The following SEMA5A variants were observed in gnomAD, a reference collection of about 807,000 sequenced individuals.
The protein encoded by SEMA5A is semaphorin 5A.
A neutral mutation model predicts 135.5 loss-of-function variants in SEMA5A; 55 were observed. The ratio of observed to expected loss-of-function variants is 0.41; its 90% CI spans 0.33 to 0.51. The LOEUF (loss-of-function observed/expected upper bound fraction) is 0.51, where lower values mean the gene tolerates loss of function less well. SEMA5A is among the 20% of genes least tolerant of loss of function. The probability of loss-of-function intolerance (pLI) is 0.37; values close to 1 mark genes in which losing one functional copy is unlikely to be tolerated. For synonymous variants in SEMA5A, 580 were observed against 546.5 expected (o/e 1.06, Z -0.85); for missense variants, 1,290 against 1,419.9 (o/e 0.91, Z 1.47).
rs766379592 is a variant in SEMA5A, at chr5:9,202,107, C to T, written c.780G>A (p.Gly260=). The T allele has an allele frequency of 6.2e-7, 1 of 1,614,154 alleles. No individual in the cohort carries two copies. The highest frequency in any genetic ancestry group is 1.1e-5 in the South Asian group (1 of 91,080). Residue 260 remains glycine, a synonymous_variant, in exon 9 of 23, where the codon GGG becomes GGA. Transcript: ENST00000382496. ...TCCAGGTGTCTTCCAGCAGGAAGCGCCCACCAATATCGTTCTTGCACACCC... is the reference window on the plus strand; with the variant it reads ...TCCAGGTGTCTTCCAGCAGGAAGCGTCCACCAATATCGTTCTTGCACACCC... ...AARVCKNDIG[G]RFLLEDTWTT...
chr5:9,117,400 C>A (rs1740576464), intron 15 of SEMA5A, among the ~76,000 whole-genome samples: 1 of 152,104 alleles, frequency 6.6e-6, no homozygotes. Context: ...CTGAAATGTT[C>A]AGGACCATTA....
chr5:9,148,705 C>T (rs987708327), intron 12 of SEMA5A, among the ~76,000 whole-genome samples: 2 of 151,984 alleles, frequency 1.3e-5, no homozygotes, highest in Non-Finnish European at 1.5e-5. Flanking sequence ...TGCACTGTCA[C>T]CTGGCCATTT....
At chr5:9,219,879 C>CATCG (rs1281784548) in intron 8 of SEMA5A, among the ~76,000 whole-genome samples, 4 of 152,142 alleles carry the variant, frequency 2.6e-5, no homozygotes, top group Non-Finnish European at 5.9e-5. Context: ...TGGAAGTGAA[C>CATCG]ATCGCATCTG....
At chr5:9,078,415 C>T (rs1408910177) in intron 16 of SEMA5A, among the ~76,000 whole-genome samples, 1 of 151,868 alleles carries the variant, frequency 6.6e-6, no homozygotes, top group Non-Finnish European at 1.5e-5. Context: ...GAATACATAA[C>T]AAAAGTCTAA....
At chr5:9,366,033 ACTAT>A (rs1028920782) in intron 3 of SEMA5A, among the ~76,000 whole-genome samples, 2 of 149,508 alleles carry the variant, frequency 1.3e-5, no homozygotes, top group African/African-American at 5.1e-5. Flanking sequence ...AATTAGACTA[ACTAT>A]CTATTACCTG....
chr5:9,543,086 C>T (rs757880804), intron 1 of SEMA5A, among the ~76,000 whole-genome samples: 8 of 152,228 alleles, frequency 5.3e-5, no homozygotes, highest in Non-Finnish European at 2.9e-5. Context: ...ATAGGCAGCT[C>T]TCTCTAACAT....
chr5:9,135,995 C>A (rs141666978), intron 13 of SEMA5A, among the ~76,000 whole-genome samples: 97 of 152,252 alleles, frequency 6.4e-4, no homozygotes, highest in African/African-American at 2.2e-3. Flanking sequence ...TCTATGGGAA[C>A]GCACACTAGG....
intron 4 of SEMA5A, among the ~76,000 whole-genome samples, chr5:9,333,102 C>G (rs1263443791): frequency 6.6e-6 from 1 of 151,948 alleles, no homozygotes; most frequent in Non-Finnish European, 1.5e-5. Flanking sequence ...ACTTAAAGAC[C>G]AAGAAACACA....
At chr5:9,375,686 C>T (rs1363594724) in intron 3 of SEMA5A, among the ~76,000 whole-genome samples, 2 of 150,738 alleles carry the variant, frequency 1.3e-5, no homozygotes, top group Non-Finnish European at 2.9e-5. Context: ...GACGAATTGT[C>T]CTGGCTTTCC....
At chr5:9,402,031 T>C (rs1756680621) in intron 2 of SEMA5A, among the ~76,000 whole-genome samples, 1 of 152,200 alleles carries the variant, frequency 6.6e-6, no homozygotes, top group African/African-American at 2.4e-5. Context: ...TTCACTACAA[T>C]TAACTCTATA....
chr5:9,441,132 G>A (rs1758217016), intron 1 of SEMA5A, among the ~76,000 whole-genome samples: 1 of 152,222 alleles, frequency 6.6e-6, no homozygotes, highest in South Asian at 2.1e-4. Flanking sequence ...GCCACACATG[G>A]TGGATGCTTA....
rs1346847096 is a variant in SEMA5A, at chr5:9,041,289, G to A, written c.*1608C>T. The A allele has an allele frequency of 3.3e-5, 5 of 152,280 alleles. No homozygotes were observed. Among genetic ancestry groups the A allele is most frequent in the African/African-American group, 1.2e-4 (5 of 41,552 alleles). The allele number at this position is 152,280 out of a possible 1,614,324, so 9.4% of individuals were successfully genotyped here. On this transcript the variant is annotated 3_prime_UTR_variant, in exon 23 of 23. Transcript: ENST00000382496. ...ATCACATATGCTAATAAAATTCTAT[G>A]TTCCTTAGTCCCCCTACTATATTTT...
chr5:9,361,086 G>A (rs1370439471), intron 3 of SEMA5A, among the ~76,000 whole-genome samples: 2 of 152,128 alleles, frequency 1.3e-5, no homozygotes, highest in Non-Finnish European at 2.9e-5. Flanking sequence ...ACCACCTGAG[G>A]TCAAGAGTTC....
At chr5:9,506,997 A>G (rs1239808592) in intron 1 of SEMA5A, among the ~76,000 whole-genome samples, 1 of 152,216 alleles carries the variant, frequency 6.6e-6, no homozygotes, top group African/African-American at 2.4e-5. Context: ...CAAAAATCAA[A>G]TGGGCATCAA....
chr5:9,175,760 T>C (rs1361736533), intron 11 of SEMA5A, among the ~76,000 whole-genome samples: 1 of 152,230 alleles, frequency 6.6e-6, no homozygotes, highest in Non-Finnish European at 1.5e-5. Flanking sequence ...AATTTCTCCC[T>C]TTAAATAGGA....
intron 5 of SEMA5A, among the ~76,000 whole-genome samples, chr5:9,274,431 A>C (rs1051747140): frequency 6.6e-6 from 1 of 152,166 alleles, no homozygotes; most frequent in Non-Finnish European, 1.5e-5. Flanking sequence ...ATGAGACAGA[A>C]AATTACCAAG....
intron 4 of SEMA5A, among the ~76,000 whole-genome samples, chr5:9,325,725 C>A (rs1411018267): frequency 6.6e-6 from 1 of 152,086 alleles, no homozygotes; most frequent in African/African-American, 2.4e-5. Flanking sequence ...TAAAACTTAA[C>A]TTTGACCTCC....
chr5:9,294,353 C>T (rs892664878), intron 5 of SEMA5A, among the ~76,000 whole-genome samples: 3 of 152,206 alleles, frequency 2.0e-5, no homozygotes, highest in Non-Finnish European at 4.4e-5. Context: ...CCATCCACAT[C>T]ATCAAAGCTG....
chr5:9,513,897 C>G (rs1291237880), intron 1 of SEMA5A, among the ~76,000 whole-genome samples: 1 of 152,132 alleles, frequency 6.6e-6, no homozygotes, highest in Non-Finnish European at 1.5e-5. Flanking sequence ...TCCTATGTAA[C>G]AAATGACCAC....
Sources: allele counts gnomAD v4.1 joint callset (sites outside exome capture counted in the v4.1 genomes callset), GRCh38; gene constraint gnomAD v4.1.1; transcripts MANE v1.5; gene names NCBI Gene and HGNC (gene_info 2026-07-23, HGNC 2026-07-21).